The following CLMN variants were observed in gnomAD, a reference collection of about 807,000 sequenced individuals.
CLMN encodes the protein calmin (calponin-like, transmembrane).
A neutral mutation model predicts 92.7 loss-of-function variants in CLMN; 57 were observed. The ratio of observed to expected loss-of-function variants is 0.61; its 90% CI spans 0.50 to 0.77. The LOEUF (loss-of-function observed/expected upper bound fraction) is 0.77. CLMN is among the 30% of genes least tolerant of loss of function. CLMN has a pLI of 0.00. For missense variants in CLMN, 1,158 were observed against 1,237.5 expected, an observed-to-expected ratio of 0.94 and a Z score of 0.96; for synonymous variants, 466 against 470.6, an observed-to-expected ratio of 0.99 and a Z score of 0.13.
At chr14:95,267,773 G>C (rs572036127) in intron 1 of CLMN, among the ~76,000 whole-genome samples, 1 of 152,026 alleles carries the variant, frequency 6.6e-6, no homozygotes, top group African/African-American at 2.4e-5. Flanking sequence ...ATCAACCTAC[G>C]TGCCCATCCA....
intron 8 of CLMN, among the ~76,000 whole-genome samples, chr14:95,207,751 T>A (rs1566866852): frequency 6.6e-6 from 1 of 152,142 alleles, no homozygotes; most frequent in Admixed American, 6.5e-5. Context: ...CACAGCGCCC[T>A]GTAAGGGGTC....
intron 1 of CLMN, among the ~76,000 whole-genome samples, chr14:95,247,758 T>C (rs1898626865): frequency 6.6e-6 from 1 of 152,142 alleles, no homozygotes; most frequent in African/African-American, 2.4e-5. Context: ...AGAATGGGAC[T>C]ATGATTCTGG....
rs141391087 is a variant in CLMN, at chr14:95,224,925, C to T, written c.145-1070G>A. ...CAGGAAAGGGGGCTGGTGTGTGAGA[C>T]TTGGCTAGGAGAGCAGGTGGCTGGC... On this transcript the variant is annotated intron_variant, in intron 2 of 12. Transcript: ENST00000298912. Among the ~76,000 whole-genome samples the T allele has an allele frequency of 3.9e-5, 6 of 152,284 alleles. No individual in the cohort carries two copies. In the East Asian group the frequency reaches 1.2e-3, roughly 29 times the overall value.
chr14:95,212,786 CTTTT>C (rs143791120), intron 6 of CLMN, among the ~76,000 whole-genome samples: 4 of 137,226 alleles, frequency 2.9e-5, no homozygotes, highest in Non-Finnish European at 1.6e-5. Flanking sequence ...TTCTGACATT[CTTTT>C]TTTTTTTTTT....
intron 9 of CLMN, 81 bp downstream of exon 9, chr14:95,202,757 A>C: frequency 7.1e-7 from 1 of 1,404,994 alleles, no homozygotes; most frequent in Non-Finnish European, 9.6e-7. Flanking sequence ...TATTTTATGG[A>C]GCAAGAAGCT....
chr14:95,285,853 T>G (rs138455306), intron 1 of CLMN, among the ~76,000 whole-genome samples: 169 of 152,246 alleles, frequency 1.1e-3, no homozygotes, highest in African/African-American at 3.9e-3. Flanking sequence ...CAGCAGGCAT[T>G]GTTAATCAAC....
chr14:95,223,709 G>A (rs752136293), intron 3 of CLMN, 51 bp downstream of exon 3: 12 of 1,392,394 alleles, frequency 8.6e-6, no homozygotes, highest in Non-Finnish European at 1.1e-5. Context: ...AACCTCAGCA[G>A]CGTTTTCCTT....
intron 5 of CLMN, among the ~76,000 whole-genome samples, chr14:95,215,345 T>C (rs1897305152): frequency 6.6e-6 from 1 of 152,226 alleles, no homozygotes; most frequent in South Asian, 2.1e-4. Flanking sequence ...GTCAGGAGTA[T>C]TCCCCGGTTC....
At chr14:95,307,099 C>T (rs1394975095) in intron 1 of CLMN, among the ~76,000 whole-genome samples, 1 of 152,148 alleles carries the variant, frequency 6.6e-6, no homozygotes, top group East Asian at 1.9e-4. Context: ...GACATATGAC[C>T]TCACTGAATG....
chr14:95,306,945 TA>T (rs1049974673), intron 1 of CLMN, among the ~76,000 whole-genome samples: 2 of 152,220 alleles, frequency 1.3e-5, no homozygotes, highest in Non-Finnish European at 2.9e-5. Flanking sequence ...GCATGTTATT[TA>T]GAGACATGGA....
chr14:95,270,674 A>G (rs1239311692), intron 1 of CLMN, among the ~76,000 whole-genome samples: 2 of 152,238 alleles, frequency 1.3e-5, no homozygotes, highest in Non-Finnish European at 2.9e-5. Context: ...TATTCCAAGT[A>G]TGACTATACC....
chr14:95,315,171 G>A (rs1251284197), intron 1 of CLMN, among the ~76,000 whole-genome samples: 1 of 152,150 alleles, frequency 6.6e-6, no homozygotes, highest in African/African-American at 2.4e-5. Context: ...GAATTGTTGG[G>A]GAGTTATGGG....
chr14:95,235,966 C>T (rs904548103), intron 1 of CLMN, among the ~76,000 whole-genome samples: 1 of 152,228 alleles, frequency 6.6e-6, no homozygotes, highest in African/African-American at 2.4e-5. Flanking sequence ...AAAAGCCCAC[C>T]TTCCCTCTGC....
At chr14:95,258,222 G>A (rs911360972) in intron 1 of CLMN, among the ~76,000 whole-genome samples, 5 of 151,610 alleles carry the variant, frequency 3.3e-5, no homozygotes, top group Non-Finnish European at 7.4e-5. Context: ...TGTGTGTGGT[G>A]TGCATGGTGT....
chr14:95,261,246 T>C (rs1057272498), intron 1 of CLMN, among the ~76,000 whole-genome samples: 2 of 149,472 alleles, frequency 1.3e-5, no homozygotes, highest in African/African-American at 2.5e-5. Flanking sequence ...CACTTATTTA[T>C]AGTTTGAGAG....
intron 7 of CLMN, among the ~76,000 whole-genome samples, chr14:95,210,200 C>T (rs1476059900): frequency 5.3e-5 from 8 of 152,024 alleles, no homozygotes; most frequent in East Asian, 3.9e-4. Flanking sequence ...TTACAGACTG[C>T]GCCACCACGC....
In CLMN at chr14:95,304,823, C is replaced by T. The variant is rs180866448; in HGVS notation, c.82+14888G>A. Among the ~76,000 whole-genome samples, 6 of 152,208 alleles carry T rather than the reference C, an allele frequency of 3.9e-5. No individual in the cohort carries two copies. In the East Asian group the frequency reaches 1.2e-3, roughly 29 times the overall value. On this transcript the variant is annotated intron_variant, in intron 1 of 12. Coordinates refer to ENST00000298912, the MANE Select transcript of CLMN (RefSeq NM_024734.4). ...CCCCCAGCAGCCTGGTCTGACCCTCCAGACAGGAGACTGTAAGACCCTTCC... is the reference window on the plus strand; with the variant it reads ...CCCCCAGCAGCCTGGTCTGACCCTCTAGACAGGAGACTGTAAGACCCTTCC...
At chr14:95,217,697 T>C (rs1302155249) in intron 4 of CLMN, among the ~76,000 whole-genome samples, 2 of 152,254 alleles carry the variant, frequency 1.3e-5, no homozygotes, top group African/African-American at 2.4e-5. Context: ...TCAAAGCCGC[T>C]AGTCAACTTG....
At chr14:95,297,843 AC>A in intron 1 of CLMN, among the ~76,000 whole-genome samples, 2 of 151,596 alleles carry the variant, frequency 1.3e-5, no homozygotes, top group Non-Finnish European at 2.9e-5. Flanking sequence ...ACACACACAC[AC>A]ACACACAGAG....
Sources: gnomAD v4.1 joint callset for allele counts (sites outside exome capture counted in the v4.1 genomes callset) on GRCh38, gnomAD v4.1.1 for gene constraint, MANE v1.5 for transcripts, NCBI Gene and HGNC (gene_info 2026-07-23, HGNC 2026-07-21) for gene names.